EZH2: variants seen among roughly 807,000 people sequenced by gnomAD.
EZH2 encodes the protein histone-lysine N-methyltransferase EZH2.
A neutral mutation model predicts 98.4 loss-of-function variants in EZH2; 18 were observed. The ratio of observed to expected loss-of-function variants is 0.18; its 90% CI spans 0.13 to 0.27. The LOEUF is 0.27. EZH2 is among the 10% of genes least tolerant of loss of function. The pLI is 1.00. For missense variants in EZH2, 470 were observed against 935.1 expected, an observed-to-expected ratio of 0.50 and a Z score of 6.49; for synonymous variants, 338 against 312.3, an observed-to-expected ratio of 1.08 and a Z score of -0.87.
rs2129470298 is a variant in EZH2 at position 148,815,522 on chromosome 7, C to T, written c.1530G>A (p.Lys510=). The change falls in exon 13 of 20, where the codon AAG becomes AAA. Residue 510 remains lysine, a synonymous_variant. Coordinates refer to ENST00000320356, the MANE Select transcript of EZH2 (RefSeq NM_004456.5). ...GATGCTAACCCTTTTTCAGCTGTAT[C>T]TTTCTGCAGTGTGCAGCCCACAACC... The part of the protein sequence containing the change: ...KHRLWAAHCR[K]IQLKKDGSSN... 6.2e-7 allele frequency: 1 copy of T among 1,614,122 alleles called. No individual in the cohort carries two copies. Among genetic ancestry groups the T allele is most frequent in the South Asian group, 1.1e-5 (1 of 91,086 alleles).
At chr7:148,848,288 T>C (rs1020644396) in intron 1 of EZH2, among the ~76,000 whole-genome samples, 2 of 152,204 alleles carry the variant, frequency 1.3e-5, no homozygotes, top group African/African-American at 4.8e-5. Flanking sequence ...TAGATGATGC[T>C]GCAGCACAGC....
chr7:148,828,344 T>G (rs2129476181), intron 6 of EZH2, among the ~76,000 whole-genome samples: 1 of 152,356 alleles, frequency 6.6e-6, no homozygotes, highest in South Asian at 2.1e-4. Context: ...ATGCTTTTTT[T>G]TTTCTTTTTT....
intron 1 of EZH2, among the ~76,000 whole-genome samples, chr7:148,865,673 C>G (rs1310013860): frequency 6.6e-6 from 1 of 152,174 alleles, no homozygotes. Flanking sequence ...AGGCATCTTC[C>G]CACAAACTCT....
At chr7:148,824,229 C>T (rs979845103) in intron 8 of EZH2, among the ~76,000 whole-genome samples, 1 of 146,340 alleles carries the variant, frequency 6.8e-6, no homozygotes, top group African/African-American at 2.5e-5. Flanking sequence ...ACAGGAGAAT[C>T]CTTTGAATCC....
intron 1 of EZH2, among the ~76,000 whole-genome samples, chr7:148,865,523 A>G (rs1158003915): frequency 6.6e-6 from 1 of 152,128 alleles, no homozygotes; most frequent in Non-Finnish European, 1.5e-5. Flanking sequence ...ATATTTAGCC[A>G]CTCAGGAGTG....
chr7:148,828,324 T>G (rs990735083), intron 6 of EZH2, among the ~76,000 whole-genome samples: 5 of 152,176 alleles, frequency 3.3e-5, no homozygotes, highest in African/African-American at 7.2e-5. Flanking sequence ...AAGATAATGT[T>G]GCAAGTATTA....
chr7:148,819,659 CTTATAAG>C lies in EZH2; in HGVS notation c.929_935del (p.Thr310SerfsTer9). 6.2e-7 allele frequency: 1 copy of C among 1,614,034 alleles called. No homozygotes were observed. Among genetic ancestry groups the C allele is most frequent in the Non-Finnish European group, 8.5e-7 (1 of 1,179,946 alleles). On this transcript the variant is annotated frameshift_variant, in exon 9 of 20. Coordinates refer to ENST00000320356, the MANE Select transcript of EZH2 (RefSeq NM_004456.5). LOFTEE classifies it high-confidence loss of function. ...CTAGAGCTGTTTCTGTGTTCTTCCGCTTATAAGTGTTGGGTGTTGCATGAAAAGCTGC... is the reference window on the plus strand; with the variant it reads ...CTAGAGCTGTTTCTGTGTTCTTCCGCTGTTGGGTGTTGCATGAAAAGCTGC...
chr7:148,859,589 A>C (rs1817372667), intron 1 of EZH2, among the ~76,000 whole-genome samples: 2 of 152,202 alleles, frequency 1.3e-5, no homozygotes, highest in Admixed American at 1.3e-4. Flanking sequence ...AGAAAAAACA[A>C]TACAGGTAAG....
chr7:148,815,151 C>T, intron 13 of EZH2, 112 bp from the exon 14 acceptor site: 1 of 1,334,216 alleles, frequency 7.5e-7, no homozygotes, highest in Non-Finnish European at 1.0e-6. Context: ...AGCTGGCCTG[C>T]CTTTACTGAA....
At chr7:148,870,492 AG>A (rs1173439739) in intron 1 of EZH2, among the ~76,000 whole-genome samples, 1 of 152,034 alleles carries the variant, frequency 6.6e-6, no homozygotes, top group Non-Finnish European at 1.5e-5. Flanking sequence ...ACTTGATCCT[AG>A]GAGTTCTAGA....
rs182276592 is a variant in EZH2 at position 148,839,195 on chromosome 7, C to T, written c.247-6445G>A. Among the ~76,000 whole-genome samples the T allele has an allele frequency of 2.7e-3, 407 of 152,242 alleles. 2 individuals carry two copies. Among genetic ancestry groups the T allele is most frequent in the Middle Eastern group, 6.8e-3 (2 of 294 alleles). ...AGTGGTAGAACTGCCCAGGAAACCA[C>T]CAACCAAGAAGGCTGATTCTGCTGA... is the stretch of plus-strand genomic sequence containing the variant. On this transcript the variant is annotated intron_variant, in intron 3 of 19. Coordinates refer to ENST00000320356, the MANE Select transcript of EZH2 (RefSeq NM_004456.5).
chr7:148,881,972 GCACACACACACACACACACACACA>G (rs3059438), intron 1 of EZH2, among the ~76,000 whole-genome samples: 5 of 131,780 alleles, frequency 3.8e-5, no homozygotes, highest in South Asian at 2.4e-4. Context: ...ACACGCGCGC[GCACACACACACACACACACACACA>G]CACATATGTA....
rs1554486440 is a variant in EZH2, at chr7:148,814,114, G to A, written c.1696C>T (p.Arg566Cys). The A allele has an allele frequency of 6.2e-7, 1 of 1,613,402 alleles. No individual in the cohort carries two copies. Among genetic ancestry groups the A allele is most frequent in the Non-Finnish European group, 8.5e-7 (1 of 1,179,792 alleles). The change falls in exon 15 of 20, where the codon CGC becomes TGC. Residue 566 changes from arginine (R) to cysteine (C), a missense_variant. This residue lies in a region of EZH2 where 106 missense variants were observed against 327.2 expected (regional missense o/e 0.32). Transcript: ENST00000320356. The part of the protein sequence containing the change: ...SECQNRFPGC[R>C]CKAQCNTKQC... ...TTGGTGTTGCACTGTGCTTTGCAGC[G>A]GCATCCCGGAAAGCGGTTTTGACCT...
In EZH2 at chr7:148,828,722, C is replaced by A. The variant is rs2129476370; in HGVS notation, c.625+18G>T. The A allele has an allele frequency of 6.2e-7, 1 of 1,608,802 alleles. No homozygotes were observed. The highest frequency in any genetic ancestry group is 2.2e-5 in the East Asian group (1 of 44,778). On this transcript the variant is annotated intron_variant, in intron 6 of 19. Transcript: ENST00000320356. ...GAAAGCTGTAATGGCTACACAGAAT[C>A]CTAATAATCAGGCATACCATCTCGG... is the stretch of plus-strand genomic sequence containing the variant.
intron 6 of EZH2, 126 bp downstream of exon 6, chr7:148,828,614 C>T (rs1266976743): frequency 5.0e-6 from 6 of 1,210,786 alleles, no homozygotes; most frequent in Non-Finnish European, 6.9e-6. Flanking sequence ...GATTATACTG[C>T]TATCAATGTG....
chr7:148,821,830 G>A (rs1806188860), intron 8 of EZH2, among the ~76,000 whole-genome samples: 1 of 152,100 alleles, frequency 6.6e-6, no homozygotes, highest in Non-Finnish European at 1.5e-5. Context: ...CCCTGTGTAT[G>A]TATGTATGTG....
intron 1 of EZH2, among the ~76,000 whole-genome samples, chr7:148,874,833 C>T (rs1010214309): frequency 2.0e-5 from 3 of 150,554 alleles, no homozygotes; most frequent in Non-Finnish European, 4.4e-5. Context: ...GGAGGCAGAG[C>T]TTGCAGTGAG....
At position 148,809,055 on chromosome 7, in the gene EZH2, A is replaced by T. The variant is rs778763831; in HGVS notation, c.2195+16T>A. On this transcript the variant is annotated intron_variant, in intron 19 of 19. Coordinates refer to ENST00000320356, the MANE Select transcript of EZH2 (RefSeq NM_004456.5). The stretch of plus-strand genomic sequence containing the variant: ...AAAAGCCCTTAGAGATCATGCTAGA[A>T]ATGTACTTTACCAACCTGTAATCAA... 1 of 1,608,948 alleles carries T rather than the reference A, an allele frequency of 6.2e-7. No individual in the cohort carries two copies. The highest frequency in any genetic ancestry group is 8.5e-7 in the Non-Finnish European group (1 of 1,175,224).
chr7:148,849,671 T>C (rs1307617320), intron 1 of EZH2, among the ~76,000 whole-genome samples: 10 of 152,178 alleles, frequency 6.6e-5, no homozygotes, highest in Non-Finnish European at 1.5e-4. Context: ...AGGAAGGCAG[T>C]GAGGTAGGAC....
Sources: allele counts gnomAD v4.1 joint callset (sites outside exome capture counted in the v4.1 genomes callset), GRCh38; gene constraint gnomAD v4.1.1; regional missense constraint gnomAD v4.1.1; transcripts MANE v1.5; gene names NCBI Gene and HGNC (gene_info 2026-07-23, HGNC 2026-07-21).